Variants in RASAL2 observed in about 807,000 individuals in gnomAD.
RASAL2 encodes RAS protein activator like 2, also known as ras GTPase-activating protein nGAP.
Under a neutral mutation model 128.9 loss-of-function variants are expected in RASAL2, and 58 were observed. The ratio of observed to expected loss-of-function variants is 0.45; its 90% CI spans 0.36 to 0.56. The LOEUF is 0.56. Among genes scored for constraint, RASAL2 ranks in the 20% least tolerant of loss-of-function variants. The pLI is 0.00. For synonymous variants in RASAL2, 561 were observed against 580.8 expected, an observed-to-expected ratio of 0.97 and a Z score of 0.49; for missense variants, 1,360 against 1,601.6, an observed-to-expected ratio of 0.85 and a Z score of 2.57.
In RASAL2 at chr1:178,458,424, G is replaced by A; in HGVS notation, c.3132G>A (p.Val1044=). The A allele has an allele frequency of 6.2e-7, 1 of 1,614,216 alleles. No homozygotes were observed. The change falls in exon 14 of 18, where the codon GTG becomes GTA. Residue 1044 remains valine, a synonymous_variant. Transcript: ENST00000367649. ...GTAGCACCGGGAGCATGTCAGTGGTGTCCGCAGCCCTGGTGGCCGAACCTG... is the reference window on the plus strand; with the variant it reads ...GTAGCACCGGGAGCATGTCAGTGGTATCCGCAGCCCTGGTGGCCGAACCTG... ...SLRSTGSMSV[V]SAALVAEPVQ...
rs569726014 is a variant in RASAL2 at position 178,318,099 on chromosome 1, G to A, written c.457+17981G>A. ...TTGTTCAGTTTCCATGTAGTTGAGCGGCTTTGAGTGGGATTCTTAGTCCTG... is the reference window on the plus strand; with the variant it reads ...TTGTTCAGTTTCCATGTAGTTGAGCAGCTTTGAGTGGGATTCTTAGTCCTG... On this transcript the variant is annotated intron_variant, in intron 3 of 17. Transcript: ENST00000367649. Among the ~76,000 whole-genome samples the A allele has an allele frequency of 5.5e-3, 843 of 152,252 alleles. 8 individuals carry two copies. Among genetic ancestry groups the A allele is most frequent in the African/African-American group, 0.019 (786 of 41,514 alleles).
chr1:178,134,920 T>G (rs1660263042), intron 1 of RASAL2, among the ~76,000 whole-genome samples: 1 of 152,190 alleles, frequency 6.6e-6, no homozygotes, highest in Admixed American at 6.5e-5. Context: ...GCTCGTTGAC[T>G]TTTGGGAGGG....
chr1:178,183,077 C>T (rs1261210509), intron 1 of RASAL2, among the ~76,000 whole-genome samples: 2 of 152,102 alleles, frequency 1.3e-5, no homozygotes, highest in African/African-American at 2.4e-5. Context: ...GCTGTGTGGC[C>T]CACTTGCTAA....
At chr1:178,291,802 C>T (rs1464088545) in intron 2 of RASAL2, among the ~76,000 whole-genome samples, 4 of 151,984 alleles carry the variant, frequency 2.6e-5, no homozygotes, top group African/African-American at 7.2e-5. Flanking sequence ...TTTTGGAGGC[C>T]GAGGCAGGTG....
At chr1:178,321,546 C>T (rs896159286) in intron 3 of RASAL2, among the ~76,000 whole-genome samples, 1 of 151,798 alleles carries the variant, frequency 6.6e-6, no homozygotes, top group Non-Finnish European at 1.5e-5. Context: ...CGCTTTGTGG[C>T]TAGGCTAGAG....
chr1:178,464,849 T>G (rs1377359336), intron 15 of RASAL2, among the ~76,000 whole-genome samples: 1 of 147,200 alleles, frequency 6.8e-6, no homozygotes, highest in Admixed American at 6.7e-5. Context: ...TTTTTTTTTT[T>G]TTTTTTTGCC....
intron 1 of RASAL2, among the ~76,000 whole-genome samples, chr1:178,200,033 C>T (rs1662807971): frequency 6.6e-6 from 1 of 152,210 alleles, no homozygotes; most frequent in Non-Finnish European, 1.5e-5. Flanking sequence ...GGACCAGCTT[C>T]CTTGCTCCTC....
chr1:178,259,438 C>CT (rs1665552069), intron 1 of RASAL2, among the ~76,000 whole-genome samples: 1 of 152,170 alleles, frequency 6.6e-6, no homozygotes. Context: ...CTAAAATCGT[C>CT]TATGTTGATT....
At chr1:178,357,034 A>G (rs1320972449) in intron 3 of RASAL2, among the ~76,000 whole-genome samples, 1 of 152,100 alleles carries the variant, frequency 6.6e-6, no homozygotes, top group Non-Finnish European at 1.5e-5. Flanking sequence ...ATCTTTGTAC[A>G]TATATCTGTG....
At chr1:178,367,090 A>T (rs767757019) in intron 3 of RASAL2, among the ~76,000 whole-genome samples, 3 of 152,200 alleles carry the variant, frequency 2.0e-5, no homozygotes, top group Non-Finnish European at 2.9e-5. Flanking sequence ...CTCTTATTTT[A>T]AAAAAGTAAA....
At chr1:178,379,146 G>A (rs1256810096) in intron 3 of RASAL2, among the ~76,000 whole-genome samples, 1 of 152,036 alleles carries the variant, frequency 6.6e-6, no homozygotes, top group African/African-American at 2.4e-5. Flanking sequence ...TAGACAAGTG[G>A]ACATTTTAAG....
chr1:178,451,731 C>T lies in RASAL2; in HGVS notation c.1772+16C>T, dbSNP rs377057056. 6.2e-7 allele frequency: 1 copy of T among 1,606,770 alleles called. No individual in the cohort carries two copies. Among genetic ancestry groups the T allele is most frequent in the East Asian group, 2.2e-5 (1 of 44,838 alleles). ...ACTCTTACTGGTGAGCTTATCTTATCCTCTGCCTTACATTTTTTCATGTAA... is the reference window on the plus strand; with the variant it reads ...ACTCTTACTGGTGAGCTTATCTTATTCTCTGCCTTACATTTTTTCATGTAA... On this transcript the variant is annotated intron_variant, in intron 10 of 17. Transcript: ENST00000367649.
At chr1:178,371,642 C>T (rs537828733) in intron 3 of RASAL2, among the ~76,000 whole-genome samples, 1 of 152,166 alleles carries the variant, frequency 6.6e-6, no homozygotes, top group Non-Finnish European at 1.5e-5. Flanking sequence ...TGCAGGAAAT[C>T]TTCGTAAAGG....
At chr1:178,196,677 A>G (rs1293634480) in intron 1 of RASAL2, among the ~76,000 whole-genome samples, 1 of 152,192 alleles carries the variant, frequency 6.6e-6, no homozygotes, top group African/African-American at 2.4e-5. Context: ...CATCTTATAT[A>G]AGAGACTTAA....
intron 3 of RASAL2, among the ~76,000 whole-genome samples, chr1:178,347,707 G>A (rs979170791): frequency 5.9e-5 from 9 of 151,650 alleles, no homozygotes; most frequent in South Asian, 2.1e-4. Flanking sequence ...CCATATTGAC[G>A]AGAGTGTAAA....
In RASAL2 at chr1:178,473,426, T is replaced by C. The variant is rs1648458091; in HGVS notation, c.*187T>C. 1 of 659,788 alleles carries C rather than the reference T, an allele frequency of 1.5e-6. No individual in the cohort carries two copies. Among genetic ancestry groups the C allele is most frequent in the Non-Finnish European group, 2.6e-6 (1 of 391,908 alleles). 40.9% of individuals were successfully genotyped at this position (659,788 alleles called of 1,614,324 possible). ...GGCGGCGACTTCCAAGGTCAATGCT[T>C]TTCCCCCACATCTCTATGTACATAG... On this transcript the variant is annotated 3_prime_UTR_variant, in exon 18 of 18. Transcript: ENST00000367649.
intron 11 of RASAL2, among the ~76,000 whole-genome samples, chr1:178,452,962 G>A (rs1677491725): frequency 6.6e-6 from 1 of 151,950 alleles, no homozygotes; most frequent in East Asian, 1.9e-4. Flanking sequence ...GGGAAAAAAA[G>A]GGCAGAATAA....
intron 3 of RASAL2, among the ~76,000 whole-genome samples, chr1:178,379,182 G>A (rs1161085254): frequency 6.6e-6 from 1 of 152,106 alleles, no homozygotes; most frequent in Non-Finnish European, 1.5e-5. Flanking sequence ...AATTGTAGAA[G>A]CAATAAAAAA....
At chr1:178,300,252 G>A in intron 3 of RASAL2, 134 bp downstream of exon 3, 2 of 1,044,424 alleles carry the variant, frequency 1.9e-6, no homozygotes, top group South Asian at 3.4e-5. Flanking sequence ...TTAAGCGAGA[G>A]TTAGAGGTCA....
Sources: allele counts gnomAD v4.1 joint callset (sites outside exome capture counted in the v4.1 genomes callset), GRCh38; gene constraint gnomAD v4.1.1; transcripts MANE v1.5; gene names NCBI Gene and HGNC (gene_info 2026-07-23, HGNC 2026-07-21).